The following PDE4B variants were observed in gnomAD, a reference collection of about 807,000 sequenced individuals.
PDE4B encodes the protein phosphodiesterase 4B.
A neutral mutation model predicts 82.2 loss-of-function variants in PDE4B; 20 were observed. That is an observed-to-expected ratio of 0.24 (90% confidence interval 0.17 to 0.35). The LOEUF (loss-of-function observed/expected upper bound fraction) is 0.35, where lower values mean the gene tolerates loss of function less well. PDE4B is among the 10% of genes least tolerant of loss of function. The pLI, the probability that PDE4B is intolerant of heterozygous loss-of-function variation, is 1.00. For missense variants in PDE4B, 655 were observed against 907.2 expected, an observed-to-expected ratio of 0.72 and a Z score of 3.57; for synonymous variants, 320 against 318.9, an observed-to-expected ratio of 1.00 and a Z score of -0.04.
chr1:65,938,639 T>A (rs1052961057), intron 3 of PDE4B, among the ~76,000 whole-genome samples: 3 of 152,188 alleles, frequency 2.0e-5, no homozygotes, highest in African/African-American at 7.2e-5. Flanking sequence ...TAAAACAGTG[T>A]CATATGTAGC....
At chr1:66,365,277 T>C (rs984147426) in intron 12 of PDE4B, among the ~76,000 whole-genome samples, 2 of 152,228 alleles carry the variant, frequency 1.3e-5, no homozygotes, top group African/African-American at 4.8e-5. Context: ...TAAGAGTATA[T>C]GAAGGTTGTT....
At chr1:66,264,017 C>G (rs1179769857) in intron 6 of PDE4B, among the ~76,000 whole-genome samples, 3 of 152,166 alleles carry the variant, frequency 2.0e-5, no homozygotes, top group Admixed American at 2.0e-4. Flanking sequence ...TGCCAGGGAT[C>G]AAGCGGTAAA....
chr1:65,925,289 T>C (rs1647436147), intron 3 of PDE4B, among the ~76,000 whole-genome samples: 1 of 152,174 alleles, frequency 6.6e-6, no homozygotes, highest in Non-Finnish European at 1.5e-5. Context: ...ATGTTGTATG[T>C]AACAAACCTG....
At chr1:66,369,784 A>G (rs1320305871) in intron 16 of PDE4B, among the ~76,000 whole-genome samples, 1 of 152,166 alleles carries the variant, frequency 6.6e-6, no homozygotes, top group Admixed American at 6.5e-5. Context: ...TACTTGTAAT[A>G]TTAATATACA....
At chr1:66,038,067 G>A (rs576015758) in intron 3 of PDE4B, among the ~76,000 whole-genome samples, 1 of 152,006 alleles carries the variant, frequency 6.6e-6, no homozygotes, top group African/African-American at 2.4e-5. Context: ...TACAGGATAG[G>A]AGGGCATTAA....
chr1:66,203,348 G>T (rs531180019), intron 3 of PDE4B, among the ~76,000 whole-genome samples: 11 of 152,170 alleles, frequency 7.2e-5, no homozygotes, highest in African/African-American at 2.7e-4. Context: ...TTCTCGAGGA[G>T]TATCTTTGTG....
chr1:66,059,881 C>A (rs1317660025), intron 3 of PDE4B, among the ~76,000 whole-genome samples: 2 of 152,086 alleles, frequency 1.3e-5, no homozygotes, highest in East Asian at 1.9e-4. Flanking sequence ...TTTTAAGATA[C>A]CTCTTACAAT....
intron 3 of PDE4B, among the ~76,000 whole-genome samples, chr1:66,039,884 A>G (rs1381949391): frequency 6.6e-6 from 1 of 152,048 alleles, no homozygotes; most frequent in Non-Finnish European, 1.5e-5. Flanking sequence ...ATAGGCATAA[A>G]TGGTTAATGC....
chr1:66,067,553 A>C (rs1287196451), intron 3 of PDE4B, among the ~76,000 whole-genome samples: 1 of 151,820 alleles, frequency 6.6e-6, no homozygotes, highest in Non-Finnish European at 1.5e-5. Flanking sequence ...TTTTCTTGTA[A>C]ATTTGTTTGA....
At chr1:66,217,235 A>T (rs1427342858) in intron 3 of PDE4B, among the ~76,000 whole-genome samples, 2 of 152,140 alleles carry the variant, frequency 1.3e-5, no homozygotes, top group East Asian at 3.9e-4. Flanking sequence ...TGTAGCTGTC[A>T]TTGGCTAGGC....
At chr1:66,032,436 G>C (rs965696882) in intron 3 of PDE4B, among the ~76,000 whole-genome samples, 5 of 152,026 alleles carry the variant, frequency 3.3e-5, no homozygotes, top group African/African-American at 7.2e-5. Flanking sequence ...TATCCATTTT[G>C]AATAATACAT....
At chr1:66,054,631 A>G (rs533901362) in intron 3 of PDE4B, among the ~76,000 whole-genome samples, 1 of 152,282 alleles carries the variant, frequency 6.6e-6, no homozygotes, top group South Asian at 2.1e-4. Flanking sequence ...CCTATTTTCC[A>G]TAAGTTACTA....
Position 65,918,623 on chromosome 1 carries a change from C to G in PDE4B, c.69C>G (p.Ser23Arg). ...DDNVKDYFEC[S>R]LSKSYSSSSN... ...ATGTTAAAGATTATTTTGAATGTAG[C>G]TTGAGTAAATCCTACAGTTCTTCCA... The change falls in exon 3 of 17, where the codon AGC (serine) becomes AGG (arginine). Residue 23 changes from serine (S) to arginine (R), a missense_variant. Physicochemically the swap from Ser to Arg is moderately radical, Grantham distance 110 (BLOSUM62 -1). Around this residue, in one of 3 missense-constraint regions of PDE4B, gnomAD observed 253 missense variants for 275.6 expected, o/e 0.92. Transcript: ENST00000341517. 6.2e-7 allele frequency: 1 copy of G among 1,607,112 alleles called. No homozygotes were observed. The highest frequency in any genetic ancestry group is 8.5e-7 in the Non-Finnish European group (1 of 1,173,602).
At chr1:65,833,567 C>A (rs2101306500) in intron 1 of PDE4B, among the ~76,000 whole-genome samples, 1 of 152,310 alleles carries the variant, frequency 6.6e-6, no homozygotes, top group East Asian at 1.9e-4. Context: ...ATTGGTTATA[C>A]TAGGCAGATG....
At chr1:66,123,593 T>TA in intron 3 of PDE4B, among the ~76,000 whole-genome samples, 1 of 151,830 alleles carries the variant, frequency 6.6e-6, no homozygotes, top group Non-Finnish European at 1.5e-5. Flanking sequence ...CTTTTTTTTT[T>TA]AAAGGCTTTA....
chr1:65,999,749 A>G (rs1049260938), intron 3 of PDE4B, among the ~76,000 whole-genome samples: 2 of 152,236 alleles, frequency 1.3e-5, no homozygotes, highest in African/African-American at 4.8e-5. Context: ...TGTTTTCAGT[A>G]TCCTCAGAGC....
At chr1:66,097,718 TA>T (rs1184298805) in intron 3 of PDE4B, among the ~76,000 whole-genome samples, 3 of 152,006 alleles carry the variant, frequency 2.0e-5, no homozygotes, top group African/African-American at 4.8e-5. Context: ...AGTACTTTTT[TA>T]AAAAGATCCT....
intron 12 of PDE4B, 39 bp downstream of exon 12, chr1:66,363,610 T>A (rs752265690): frequency 6.5e-7 from 1 of 1,545,464 alleles, no homozygotes; most frequent in Non-Finnish European, 8.9e-7. Flanking sequence ...CTGCCCATCC[T>A]CCTTCAAAAA....
intron 7 of PDE4B, among the ~76,000 whole-genome samples, chr1:66,317,329 C>T (rs151324637): frequency 2.5e-3 from 377 of 152,304 alleles, no homozygotes; most frequent in African/African-American, 8.1e-3. Flanking sequence ...CCATCCCTCA[C>T]CACCTCTGCT....
Sources: allele counts gnomAD v4.1 joint callset (sites outside exome capture counted in the v4.1 genomes callset), GRCh38; gene constraint gnomAD v4.1.1; regional missense constraint gnomAD v4.1.1; transcripts MANE v1.5; gene names NCBI Gene and HGNC (gene_info 2026-07-23, HGNC 2026-07-21).